Variants in TENM4 observed in about 807,000 individuals in gnomAD.
The protein encoded by TENM4 is teneurin transmembrane protein 4, also known as teneurin-4.
Under a neutral mutation model 243.3 loss-of-function variants are expected in TENM4, and 82 were observed. The observed-to-expected ratio is 0.34, with a 90% CI of 0.28 to 0.40. The LOEUF (loss-of-function observed/expected upper bound fraction) is 0.40, where lower values mean the gene tolerates loss of function less well. Among genes scored for constraint, TENM4 ranks in the 10% least tolerant of loss-of-function variants. The pLI, the probability that TENM4 is intolerant of heterozygous loss-of-function variation, is 1.00. For missense variants in TENM4, 3,138 were observed against 3,673.3 expected (o/e 0.85, Z 3.77); for synonymous variants, 1,412 against 1,456.3 (o/e 0.97, Z 0.69).
chr11:78,973,100 T>C (rs566016306), intron 6 of TENM4, among the ~76,000 whole-genome samples: 2 of 152,398 alleles, frequency 1.3e-5, no homozygotes, highest in African/African-American at 2.4e-5. Flanking sequence ...ATTCAAACTT[T>C]GGTTGTTTTC....
chr11:78,939,037 A>G (rs1032571960), intron 6 of TENM4, among the ~76,000 whole-genome samples: 5 of 152,208 alleles, frequency 3.3e-5, no homozygotes, highest in African/African-American at 1.2e-4. Context: ...TTCTGTGCAC[A>G]TACAGCTCCC....
intron 1 of TENM4, among the ~76,000 whole-genome samples, chr11:79,362,375 T>C (rs1417682616): frequency 6.6e-6 from 1 of 152,160 alleles, no homozygotes; most frequent in East Asian, 1.9e-4. Flanking sequence ...ATAGGTACTG[T>C]ATACACGGAA....
At chr11:78,891,420 T>C in intron 7 of TENM4, 84 bp from the exon 8 acceptor site, 1 of 1,263,278 alleles carries the variant, frequency 7.9e-7, no homozygotes, top group Non-Finnish European at 1.1e-6. Context: ...AAGTGGCTGT[T>C]TGGTGCAGCT....
chr11:78,836,265 G>A (rs760585367), intron 12 of TENM4, among the ~76,000 whole-genome samples: 3 of 152,186 alleles, frequency 2.0e-5, no homozygotes, highest in Non-Finnish European at 2.9e-5. Flanking sequence ...CAGGAGACTC[G>A]CTTGAATGCT....
chr11:78,957,837 A>G (rs1469298953), intron 6 of TENM4, among the ~76,000 whole-genome samples: 1 of 152,230 alleles, frequency 6.6e-6, no homozygotes, highest in Non-Finnish European at 1.5e-5. Flanking sequence ...AAGGTTTGTG[A>G]GGTAAAAGGA....
At chr11:79,202,083 G>A (rs748206493) in intron 3 of TENM4, among the ~76,000 whole-genome samples, 2 of 152,164 alleles carry the variant, frequency 1.3e-5, no homozygotes, top group Non-Finnish European at 2.9e-5. Context: ...CTGGGGAAGT[G>A]GGTGGGGGAG....
chr11:78,955,113 C>G (rs185574412), intron 6 of TENM4, among the ~76,000 whole-genome samples: 3 of 152,360 alleles, frequency 2.0e-5, no homozygotes, highest in Admixed American at 2.0e-4. Flanking sequence ...TTGGACTGAC[C>G]ATCCATGAAC....
At chr11:79,323,156 G>A (rs884893) in intron 1 of TENM4, among the ~76,000 whole-genome samples, 2,557 of 152,276 alleles carry the variant, frequency 0.017, 79 homozygotes, top group African/African-American at 0.058. Context: ...ATTTGGTACT[G>A]GAAATTTGCT....
At chr11:78,842,830 G>C (rs986721339) in intron 12 of TENM4, among the ~76,000 whole-genome samples, 1 of 152,228 alleles carries the variant, frequency 6.6e-6, no homozygotes. Flanking sequence ...CCTATGGAGG[G>C]GTGGTAGGCA....
intron 4 of TENM4, among the ~76,000 whole-genome samples, chr11:79,089,381 G>A (rs1269062932): frequency 3.3e-5 from 5 of 152,208 alleles, no homozygotes; most frequent in Non-Finnish European, 7.4e-5. Flanking sequence ...GGGTGTTCAA[G>A]TCAGAGCCTG....
chr11:78,671,629 T>G (rs1858328064), intron 31 of TENM4, among the ~76,000 whole-genome samples: 1 of 152,218 alleles, frequency 6.6e-6, no homozygotes, highest in Non-Finnish European at 1.5e-5. Context: ...GCCCAGCACT[T>G]GAAGCTCAGG....
intron 5 of TENM4, among the ~76,000 whole-genome samples, chr11:79,066,621 C>G (rs531075612): frequency 1.3e-5 from 2 of 151,664 alleles, no homozygotes; most frequent in South Asian, 2.1e-4. Flanking sequence ...CACACACGTG[C>G]GCACACACAT....
At chr11:79,325,353 C>G (rs1197240767) in intron 1 of TENM4, among the ~76,000 whole-genome samples, 1 of 152,198 alleles carries the variant, frequency 6.6e-6, no homozygotes, top group Non-Finnish European at 1.5e-5. Flanking sequence ...TTTGAGGGAA[C>G]TTGGAGAAGT....
chr11:79,047,445 G>A (rs531217749), intron 6 of TENM4, among the ~76,000 whole-genome samples: 7 of 152,286 alleles, frequency 4.6e-5, no homozygotes, highest in East Asian at 1.9e-4. Context: ...AAGCTCACTC[G>A]TGCTCTCTGG....
At chr11:79,124,697 A>G (rs1279092335) in intron 4 of TENM4, among the ~76,000 whole-genome samples, 3 of 142,170 alleles carry the variant, frequency 2.1e-5, no homozygotes, top group Non-Finnish European at 3.0e-5. Context: ...ATATATATCT[A>G]GAACCACTCC....
intron 4 of TENM4, among the ~76,000 whole-genome samples, chr11:79,087,301 C>T (rs990599419): frequency 6.6e-6 from 1 of 152,160 alleles, no homozygotes; most frequent in African/African-American, 2.4e-5. Context: ...TCCATGCATT[C>T]CGAGGGTGAG....
At chr11:79,125,562 G>C (rs1287325324) in intron 4 of TENM4, among the ~76,000 whole-genome samples, 1 of 152,152 alleles carries the variant, frequency 6.6e-6, no homozygotes, top group East Asian at 1.9e-4. Flanking sequence ...ACTTGGAATG[G>C]GGGGTGTGTG....
At chr11:79,131,994 T>C (rs773182088) in intron 4 of TENM4, among the ~76,000 whole-genome samples, 23 of 152,004 alleles carry the variant, frequency 1.5e-4, no homozygotes, top group Non-Finnish European at 2.9e-4. Context: ...ATCACAATCC[T>C]AAACATATAT....
intron 9 of TENM4, among the ~76,000 whole-genome samples, chr11:78,870,846 G>A (rs985430065): frequency 6.6e-6 from 1 of 152,172 alleles, no homozygotes; most frequent in Non-Finnish European, 1.5e-5. Flanking sequence ...CTGAAAACTG[G>A]TGACAAGGCA....
Sources: allele counts gnomAD v4.1 joint callset (sites outside exome capture counted in the v4.1 genomes callset), GRCh38; gene constraint gnomAD v4.1.1; transcripts MANE v1.5; gene names NCBI Gene and HGNC (gene_info 2026-07-23, HGNC 2026-07-21).